The following GPHN variants were observed in gnomAD, a reference collection of about 807,000 sequenced individuals.
GPHN encodes gephyrin.
Under a neutral mutation model 95.5 loss-of-function variants are expected in GPHN, and 17 were observed. The ratio of observed to expected loss-of-function variants is 0.18; its 90% CI spans 0.12 to 0.27. The LOEUF (loss-of-function observed/expected upper bound fraction) is 0.27, where lower values mean the gene tolerates loss of function less well. Ranked by LOEUF, GPHN falls within the 10% of genes least tolerant of loss-of-function variation. The pLI, the probability that GPHN is intolerant of heterozygous loss-of-function variation, is 1.00. For missense variants in GPHN, 660 were observed against 978.1 expected, an observed-to-expected ratio of 0.67 and a Z score of 4.34; for synonymous variants, 320 against 322.5, an observed-to-expected ratio of 0.99 and a Z score of 0.08.
chr14:66,867,577 T>A (rs2063275984), intron 4 of GPHN, among the ~76,000 whole-genome samples: 1 of 152,172 alleles, frequency 6.6e-6, no homozygotes, highest in South Asian at 2.1e-4. Flanking sequence ...ATAGAATACT[T>A]ATAGGAGCAG....
At chr14:66,909,545 C>T (rs2065564179) in intron 5 of GPHN, among the ~76,000 whole-genome samples, 1 of 151,922 alleles carries the variant, frequency 6.6e-6, no homozygotes, top group Non-Finnish European at 1.5e-5. Flanking sequence ...ACTGCATTAA[C>T]AGATTAAGGG....
At chr14:67,216,256 T>A in the GPHN span, among the ~76,000 whole-genome samples, 1 of 152,192 alleles carries the variant, frequency 6.6e-6, no homozygotes, top group Non-Finnish European at 1.5e-5. Context: ...GATTTTGTCA[T>A]CTATATTCAT....
intron 10 of GPHN, 113 bp from the exon 11 acceptor site, chr14:67,058,536 G>C (rs919696236): frequency 3.3e-6 from 3 of 916,096 alleles, no homozygotes; most frequent in Non-Finnish European, 5.4e-6. Context: ...TTTCTTACCT[G>C]CTAATCTTCA....
chr14:67,530,418 G>A, the GPHN span, among the ~76,000 whole-genome samples: 1 of 152,102 alleles, frequency 6.6e-6, no homozygotes, highest in East Asian at 1.9e-4. Context: ...CTCCCATAGT[G>A]CTGTCCAAGG....
chr14:67,585,572 C>T, the GPHN span: 2 of 1,576,784 alleles, frequency 1.3e-6, no homozygotes, highest in Non-Finnish European at 8.6e-7. Context: ...CCCCAGCCTG[C>T]CCAGCTGTCT....
At chr14:67,433,651 AAAG>A in the GPHN span, among the ~76,000 whole-genome samples, 1 of 152,340 alleles carries the variant, frequency 6.6e-6, no homozygotes, top group Non-Finnish European at 1.5e-5. Flanking sequence ...TGTGGGGGAA[AAAG>A]AAGGAGGAGG....
intron 3 of GPHN, among the ~76,000 whole-genome samples, chr14:66,780,182 G>A (rs1207450192): frequency 6.6e-6 from 1 of 152,120 alleles, no homozygotes; most frequent in African/African-American, 2.4e-5. Flanking sequence ...ATTATTAATA[G>A]GAAAGAGGAT....
intron 2 of GPHN, among the ~76,000 whole-genome samples, chr14:66,717,981 G>T (rs2070352046): frequency 6.6e-6 from 1 of 152,136 alleles, no homozygotes; most frequent in Admixed American, 6.5e-5. Context: ...GTGCTGGTTG[G>T]CCCCCTGCCA....
At chr14:66,927,887 C>T (rs1036503967) in intron 8 of GPHN, among the ~76,000 whole-genome samples, 2 of 152,262 alleles carry the variant, frequency 1.3e-5, no homozygotes, top group East Asian at 3.9e-4. Context: ...TGGGATGAAT[C>T]GCACTTGGTC....
chr14:67,557,595 C>T, the GPHN span, among the ~76,000 whole-genome samples: 1 of 152,242 alleles, frequency 6.6e-6, no homozygotes, highest in Admixed American at 6.5e-5. Flanking sequence ...CACATCTGCT[C>T]ATTAGAAGCC....
At chr14:66,664,224 C>T (rs2065818375) in intron 1 of GPHN, among the ~76,000 whole-genome samples, 4 of 152,050 alleles carry the variant, frequency 2.6e-5, no homozygotes, top group Admixed American at 1.3e-4. Context: ...ATCACATAAT[C>T]GGAAGTAAAA....
intron 1 of GPHN, among the ~76,000 whole-genome samples, chr14:66,647,631 ATAAC>A (rs201993523): frequency 0.013 from 2,017 of 151,994 alleles, 24 homozygotes; most frequent in Middle Eastern, 0.02. Context: ...GAGATTAACA[ATAAC>A]TAATAATAAA....
At chr14:66,703,425 G>T (rs117696492) in intron 2 of GPHN, among the ~76,000 whole-genome samples, 1,934 of 152,214 alleles carry the variant, frequency 0.013, 19 homozygotes, top group Non-Finnish European at 0.018. Context: ...AAGGAAGCCC[G>T]TTGGAATAAT....
chr14:67,476,156 G>C, the GPHN span, among the ~76,000 whole-genome samples: 12 of 152,250 alleles, frequency 7.9e-5, no homozygotes. Flanking sequence ...GGCATCTGTA[G>C]TATGCACACC....
the GPHN span, among the ~76,000 whole-genome samples, chr14:67,527,556 T>C: frequency 2.6e-5 from 4 of 152,222 alleles, no homozygotes; most frequent in Admixed American, 6.5e-5. Context: ...AAAGATTTCA[T>C]TTGTTTGCAG....
chr14:66,961,900 GTATATATATATATATA>G lies in GPHN; in HGVS notation c.829-3258_829-3243del, dbSNP rs767734322. Among the ~76,000 whole-genome samples the G allele has an allele frequency of 8.2e-3, 432 of 52,994 alleles. 9 individuals carry two copies. The highest frequency in any genetic ancestry group is 0.019 in the South Asian group (28 of 1,478). 34.8% of individuals were successfully genotyped at this position (52,994 alleles called of 152,430 possible). A position where few individuals can be genotyped will look rare whatever the true frequency, so the allele number is the denominator to read the frequency against. ...AACCAACCATTCTATCCCTGAATGTGTATATATATATATATATATATATATATATATATATATATAT... is the reference window on the plus strand; with the variant it reads ...AACCAACCATTCTATCCCTGAATGTGTATATATATATATATATATATATAT... On this transcript the variant is annotated intron_variant, in intron 8 of 22. Transcript: ENST00000478722.
At chr14:67,395,399 C>T in the GPHN span, 1 of 1,613,156 alleles carries the variant, frequency 6.2e-7, no homozygotes, top group Non-Finnish European at 8.5e-7. Flanking sequence ...GTGGGGCACT[C>T]ACTGCAGGCT....
chr14:67,421,476 A>C, the GPHN span, among the ~76,000 whole-genome samples: 275 of 152,262 alleles, frequency 1.8e-3, no homozygotes, highest in African/African-American at 6.4e-3. Flanking sequence ...TGTGGAGGCC[A>C]AGCTCAGGCC....
intron 8 of GPHN, among the ~76,000 whole-genome samples, chr14:66,936,064 A>G (rs933597661): frequency 2.6e-5 from 4 of 152,106 alleles, no homozygotes; most frequent in Admixed American, 1.3e-4. Context: ...GTGACAAACT[A>G]ATTATAAACT....
Sources: gnomAD v4.1 joint callset for allele counts (sites outside exome capture counted in the v4.1 genomes callset) on GRCh38, gnomAD v4.1.1 for gene constraint, MANE v1.5 for transcripts, NCBI Gene and HGNC (gene_info 2026-07-23, HGNC 2026-07-21) for gene names.